The following TIGD6 variants were observed in gnomAD, a reference collection of about 807,000 sequenced individuals.
TIGD6 encodes tigger transposable element-derived protein 6.
A neutral mutation model predicts 2.6 loss-of-function variants in TIGD6; 1 was observed. The ratio of observed to expected loss-of-function variants is 0.39; its 90% confidence interval spans 0.14 to 1.85. The LOEUF is 1.85. Among genes scored for constraint, TIGD6 ranks in the 40% most tolerant of loss-of-function variants. The probability of loss-of-function intolerance (pLI) is 0.32; values close to 1 mark genes in which losing one functional copy is unlikely to be tolerated. For synonymous variants in TIGD6, 193 were observed against 221.9 expected, an observed-to-expected ratio of 0.87 and a Z score of 1.16; for missense variants, 601 against 634.2, an observed-to-expected ratio of 0.95 and a Z score of 0.56.
In TIGD6 at chr5:149,996,180, TTTC is replaced by T; in HGVS notation, c.166_168del (p.Glu56del). The stretch of plus-strand genomic sequence containing the variant: ...GGTCCCACGGATGCCTCCCGCACCT[TTTC>T]TTCAAATTTGGTGCGATCCTTTAAG... On this transcript the variant is annotated inframe_deletion, in exon 2 of 2. Coordinates refer to ENST00000296736, the MANE Select transcript of TIGD6 (RefSeq NM_030953.4). 1 of 1,614,232 alleles carries T rather than the reference TTTC, an allele frequency of 6.2e-7. No individual in the cohort carries two copies. Among genetic ancestry groups the T allele is most frequent in the Non-Finnish European group, 8.5e-7 (1 of 1,180,032 alleles).
In TIGD6 at chr5:149,995,076, C is replaced by A. The variant is rs183367872; in HGVS notation, c.1273G>T (p.Asp425Tyr). Residue 425 changes from aspartate (D) to tyrosine (Y), a missense_variant, in exon 2 of 2, where the codon GAT becomes TAT. Coordinates refer to ENST00000296736, the MANE Select transcript of TIGD6 (RefSeq NM_030953.4). ...GTGTCCTGAGAGATAATGAGATCAT[C>A]ATCTGCAGTAACAAAGTCCTGGAAA... ...VNFQDFVTAD[D>Y]DLIISQDTDI... The A allele has an allele frequency of 9.9e-6, 16 of 1,614,252 alleles. No homozygotes were observed. The highest frequency in any genetic ancestry group is 1.4e-5 in the Non-Finnish European group (16 of 1,180,044).
In TIGD6 at chr5:149,994,821, TA is replaced by T; in HGVS notation, c.1527del (p.Ile510LeufsTer26). On this transcript the variant is annotated frameshift_variant, in exon 2 of 2. Coordinates refer to ENST00000296736, the MANE Select transcript of TIGD6 (RefSeq NM_030953.4). LOFTEE classifies it high-confidence loss of function. ...EYLMKRVTQTLIDSKITDFLQ... is the reference protein window; with the variant it reads ...EYLMKRVTQTXIDSKITDFLQ... ...AGGAAATCTGTAATTTTGGAATCAA[TA>T]AGGGTTTGTGTCACTCTTTTCATTA... 4 of 1,544,854 alleles carry T rather than the reference TA, an allele frequency of 2.6e-6. No individual in the cohort carries two copies. Among genetic ancestry groups the T allele is most frequent in the Middle Eastern group, 1.7e-4 (1 of 5,734 alleles).
chr5:149,995,491 G>A lies in TIGD6; in HGVS notation c.858C>T (p.Cys286=), dbSNP rs1327344223. ...AGTGTGGAAGCATGTTATGAGCAGA[G>A]CAGTTGTCTATGAGCAAGAGGATCC... is the stretch of plus-strand genomic sequence containing the variant. The part of the protein sequence containing the change: ...ERRILLLIDN[C]SAHNMLPHLE... Residue 286 remains cysteine, a synonymous_variant, in exon 2 of 2, where the codon TGC becomes TGT. Transcript: ENST00000296736. 1.2e-6 allele frequency: 2 copies of A among 1,614,256 alleles called. No homozygotes were observed. Among genetic ancestry groups the A allele is most frequent in the South Asian group, 2.2e-5 (2 of 91,080 alleles).
At chr5:149,999,759 T>G (rs140018907) in intron 1 of TIGD6, 4 of 152,042 alleles carry the variant, frequency 2.6e-5, no homozygotes, top group Non-Finnish European at 5.9e-5. Context: ...CACTACAGAG[T>G]GCTATATAGC....
intron 1 of TIGD6, chr5:150,000,044 A>C (rs1368099882): frequency 6.5e-6 from 1 of 154,732 alleles, no homozygotes; most frequent in Non-Finnish European, 1.5e-5. Context: ...TGATGGCGGT[A>C]GATGCAGAGA....
chr5:149,995,040 GGAT>G lies in TIGD6; in HGVS notation c.1306_1308del (p.Ile436del), dbSNP rs779921867. 2.5e-6 allele frequency: 4 copies of G among 1,614,074 alleles called. No homozygotes were observed. Among genetic ancestry groups the G allele is most frequent in the Non-Finnish European group, 3.4e-6 (4 of 1,180,044 alleles). Reference sequence around the variant, plus strand: ...GTATTTTCGCCAGCCACCATGTCCTGGATGATGTCTGTGTCCTGAGAGATAATG... The same window carrying G: ...GTATTTTCGCCAGCCACCATGTCCTGGATGTCTGTGTCCTGAGAGATAATG... On this transcript the variant is annotated inframe_deletion, in exon 2 of 2. Coordinates refer to ENST00000296736, the MANE Select transcript of TIGD6 (RefSeq NM_030953.4).
chr5:149,997,632 T>C (rs1333682099), intron 1 of TIGD6, among the ~76,000 whole-genome samples: 1 of 151,436 alleles, frequency 6.6e-6, no homozygotes, highest in Non-Finnish European at 1.5e-5. Context: ...TGAATCCAAG[T>C]ATATGACAAA....
In TIGD6 at chr5:149,995,786, A is replaced by C; in HGVS notation, c.563T>G (p.Leu188Arg). 1 of 1,614,184 alleles carries C rather than the reference A, an allele frequency of 6.2e-7. No homozygotes were observed. The highest frequency in any genetic ancestry group is 8.5e-7 in the Non-Finnish European group (1 of 1,180,032). Residue 188 changes from leucine (L) to arginine (R), a missense_variant, in exon 2 of 2, where the codon CTT becomes CGT. Transcript: ENST00000296736. ...TTTAGCAGCAAGTGTGTGCTGGGGA[A>C]GCAACTGGAAAAACACTCCTGTCTC... ...ADETGVFFQL[L>R]PQHTLAAKGD...
In TIGD6 at chr5:149,993,179, A is replaced by G. The variant is rs1755300634; in HGVS notation, c.*1604T>C. On this transcript the variant is annotated 3_prime_UTR_variant, in exon 2 of 2. Transcript: ENST00000296736. ...AAAAATATCCAAAATAAGCTATAAA[A>G]TAATCTATTTAAACATCTGCTGTTT... 1 of 152,214 alleles carries G rather than the reference A, an allele frequency of 6.6e-6. No homozygotes were observed. Among genetic ancestry groups the G allele is most frequent in the Non-Finnish European group, 1.5e-5 (1 of 68,046 alleles). The allele number at this position is 152,214 out of a possible 1,614,324, so 9.4% of individuals were successfully genotyped here.
rs10073220 is a variant in TIGD6 at position 149,996,390 on chromosome 5, G to A, written c.-42C>T. On this transcript the variant is annotated 5_prime_UTR_variant, in exon 2 of 2. Transcript: ENST00000296736. ...CTGGCCACAACTAACAGGACTGTCT[G>A]GTTCCTCCTCGCGGCTTGCTTTGCC... is the stretch of plus-strand genomic sequence containing the variant. 1 of 1,539,416 alleles carries A rather than the reference G, an allele frequency of 6.5e-7. No individual in the cohort carries two copies. The highest frequency in any genetic ancestry group is 8.7e-7 in the Non-Finnish European group (1 of 1,146,310).
rs977090734 is a variant in TIGD6 at position 149,993,608 on chromosome 5, C to G, written c.*1175G>C. 2 of 151,716 alleles carry G rather than the reference C, an allele frequency of 1.3e-5. No homozygotes were observed. Among genetic ancestry groups the G allele is most frequent in the East Asian group, 1.9e-4 (1 of 5,180 alleles). The allele number at this position is 151,716 out of a possible 1,614,324, so 9.4% of individuals were successfully genotyped here. A position where few individuals can be genotyped will look rare whatever the true frequency, so the allele number is the denominator to read the frequency against. ...TTTTTTTTTTTAGAGATGGGGGTCT[C>G]GCTGTGTTGGCCAGTCTGGTCTCAA... On this transcript the variant is annotated 3_prime_UTR_variant, in exon 2 of 2. Coordinates refer to ENST00000296736, the MANE Select transcript of TIGD6 (RefSeq NM_030953.4).
Position 149,998,069 on chromosome 5 carries a change from G to C in TIGD6, c.-81-1640C>G, listed in dbSNP as rs1186773990. ...CGCTTGAACCCAGGAGGCGGAGGTT[G>C]CAGTGGGCCAAGATCACACCACTGC... On this transcript the variant is annotated intron_variant, in intron 1 of 1. Transcript: ENST00000296736. 2.0e-5 allele frequency among the ~76,000 whole-genome samples: 3 copies of C among 152,236 alleles called. No homozygotes were observed. The East Asian group carries it at 5.8e-4, about 29-fold the overall frequency.
Position 149,995,023 on chromosome 5 carries a change from G to A in TIGD6, c.1326C>T (p.Gly442=), listed in dbSNP as rs201003222. 4.5e-5 allele frequency: 73 copies of A among 1,613,802 alleles called. No homozygotes were observed. Among genetic ancestry groups the A allele is most frequent in the Non-Finnish European group, 5.3e-5 (63 of 1,179,954 alleles). ...CACTTCCTGCTTCACTGGTATTTTC[G>A]CCAGCCACCATGTCCTGGATGATGT... ...DTDIIQDMVA[G]ENTSEAGSED... Residue 442 remains glycine (G), a synonymous_variant, in exon 2 of 2, where the codon GGC becomes GGT. Transcript: ENST00000296736.
At position 149,995,648 on chromosome 5, in the gene TIGD6, C is replaced by T; in HGVS notation, c.701G>A (p.Ser234Asn). Residue 234 changes from serine (S) to asparagine (N), a missense_variant, in exon 2 of 2, where the codon AGC becomes AAC. Physicochemically the swap from Ser to Asn is conservative, Grantham distance 46. Coordinates refer to ENST00000296736, the MANE Select transcript of TIGD6 (RefSeq NM_030953.4). Reference sequence around the variant, plus strand: ...ATGAATGTTCTTGAGGCAGTGTGGGCTGGCTGACCTACCAACAATCAATGG... The same window carrying T: ...ATGAATGTTCTTGAGGCAGTGTGGGTTGGCTGACCTACCAACAATCAATGG... The part of the protein sequence containing the change: ...MRPLIVGRSA[S>N]PHCLKNIHSL... 1 of 1,614,234 alleles carries T rather than the reference C, an allele frequency of 6.2e-7. No individual in the cohort carries two copies. The highest frequency in any genetic ancestry group is 8.5e-7 in the Non-Finnish European group (1 of 1,180,038).
chr5:149,994,582 T>C lies in TIGD6; in HGVS notation c.*201A>G. ...CCCTTGGATGAATCAAAATACATCT[T>C]GAATCAAGGACCAGAGACAGCCAAA... is the stretch of plus-strand genomic sequence containing the variant. On this transcript the variant is annotated 3_prime_UTR_variant, in exon 2 of 2. Transcript: ENST00000296736. 2.2e-6 allele frequency: 1 copy of C among 451,170 alleles called. No individual in the cohort carries two copies. Among genetic ancestry groups the C allele is most frequent in the Non-Finnish European group, 3.7e-6 (1 of 266,990 alleles). 27.9% of individuals were successfully genotyped at this position (451,170 alleles called of 1,614,324 possible). A position where few individuals can be genotyped will look rare whatever the true frequency, so the allele number is the denominator to read the frequency against.
In TIGD6 at chr5:149,995,838, T is replaced by C. The variant is rs370101270; in HGVS notation, c.511A>G (p.Ser171Gly). Reference protein sequence around the residue: ...GEIIKLIADYSPDDIFNADET... With the variant: ...GEIIKLIADYGPDDIFNADET... ...TCAGCATTAAAGATATCATCTGGGCTGTAGTCAGCAATCAGTTTTATAATT... is the reference window on the plus strand; with the variant it reads ...TCAGCATTAAAGATATCATCTGGGCCGTAGTCAGCAATCAGTTTTATAATT... Residue 171 changes from serine (S) to glycine (G), a missense_variant, in exon 2 of 2, where the codon AGC becomes GGC. By Grantham distance (56) the Ser-to-Gly change is moderately conservative. Coordinates refer to ENST00000296736, the MANE Select transcript of TIGD6 (RefSeq NM_030953.4). 5.6e-6 allele frequency: 9 copies of C among 1,614,244 alleles called. No homozygotes were observed. Among genetic ancestry groups the C allele is most frequent in the Non-Finnish European group, 7.6e-6 (9 of 1,180,048 alleles).
chr5:149,995,747 C>G lies in TIGD6; in HGVS notation c.602G>C (p.Arg201Thr). The change falls in exon 2 of 2, where the codon AGA becomes ACA. Residue 201 changes from arginine to threonine, a missense_variant. Coordinates refer to ENST00000296736, the MANE Select transcript of TIGD6 (RefSeq NM_030953.4). Reference sequence around the variant, plus strand: ...CCGCTGCTTTGCTTTCTTGCCCCCTCTACAGTGGTCTCCTTTAGCAGCAAG... The same window carrying G: ...CCGCTGCTTTGCTTTCTTGCCCCCTGTACAGTGGTCTCCTTTAGCAGCAAG... ...HTLAAKGDHC[R>T]GGKKAKQRLT... 6.2e-7 allele frequency: 1 copy of G among 1,614,242 alleles called. No individual in the cohort carries two copies. Among genetic ancestry groups the G allele is most frequent in the Non-Finnish European group, 8.5e-7 (1 of 1,180,048 alleles).
Position 149,995,047 on chromosome 5 carries a change from G to A in TIGD6, c.1302C>T (p.Asp434=), listed in dbSNP as rs1414405965. The change falls in exon 2 of 2, where the codon GAC becomes GAT. Residue 434 remains aspartate, a synonymous_variant. Transcript: ENST00000296736. ...DDDLIISQDT[D]IIQDMVAGEN... is the part of the protein sequence containing the mutation. ...CGCCAGCCACCATGTCCTGGATGATGTCTGTGTCCTGAGAGATAATGAGAT... is the reference window on the plus strand; with the variant it reads ...CGCCAGCCACCATGTCCTGGATGATATCTGTGTCCTGAGAGATAATGAGAT... The A allele has an allele frequency of 1.9e-6, 3 of 1,614,208 alleles. No homozygotes were observed. Among genetic ancestry groups the A allele is most frequent in the East Asian group, 2.2e-5 (1 of 44,884 alleles).
At position 149,995,333 on chromosome 5, in the gene TIGD6, T is replaced by C; in HGVS notation, c.1016A>G (p.Asn339Ser). ...CACCTCTTCTTGATCCTCACTGCTG[T>C]TGAGCTTGAGGAGGATCTGTTTTAG... ...HLLKQILLKL[N>S]SSEDQEEVDI... Residue 339 changes from asparagine (N) to serine (S), a missense_variant, in exon 2 of 2, where the codon AAC becomes AGC. Transcript: ENST00000296736. The C allele has an allele frequency of 6.2e-7, 1 of 1,614,214 alleles. No homozygotes were observed. Among genetic ancestry groups the C allele is most frequent in the Non-Finnish European group, 8.5e-7 (1 of 1,180,012 alleles).
Sources: allele counts gnomAD v4.1 joint callset (sites outside exome capture counted in the v4.1 genomes callset), GRCh38; gene constraint gnomAD v4.1.1; transcripts MANE v1.5; gene names NCBI Gene and HGNC (gene_info 2026-07-23, HGNC 2026-07-21).